PYM1: variants seen among roughly 807,000 people sequenced by gnomAD.
The protein encoded by PYM1 is PYM1 exon junction complex associated factor, also known as partner of Y14 and mago.
A neutral mutation model predicts 20.7 loss-of-function variants in PYM1; 7 were observed. That is an observed-to-expected ratio of 0.34 (90% CI 0.19 to 0.64). The LOEUF (loss-of-function observed/expected upper bound fraction) is 0.64. PYM1 is among the 30% of genes least tolerant of loss of function. PYM1 has a pLI of 0.74. For synonymous variants in PYM1, 100 were observed against 99.2 expected (o/e 1.01, Z -0.05); for missense variants, 194 against 250.0 (o/e 0.78, Z 1.51).
chr12:55,920,193 C>A (rs978064655), intron 1 of PYM1, among the ~76,000 whole-genome samples: 1 of 151,598 alleles, frequency 6.6e-6, no homozygotes, highest in Admixed American at 6.6e-5. Context: ...CAGAGCAAGA[C>A]CTTGTCTCTT....
intron 1 of PYM1, chr12:55,927,137 G>C (rs1296976637): frequency 6.4e-7 from 1 of 1,551,372 alleles, no homozygotes; most frequent in African/African-American, 1.4e-5. Flanking sequence ...CTTCCGGCGT[G>C]AGCGGGCTGG....
chr12:55,926,023 C>G (rs950816441), intron 1 of PYM1, among the ~76,000 whole-genome samples: 1 of 152,158 alleles, frequency 6.6e-6, no homozygotes, highest in African/African-American at 2.4e-5. Flanking sequence ...GTGTAAGGAA[C>G]ATGGAAAGCA....
chr12:55,902,500 T>G, intron 2 of PYM1, 145 bp from the exon 3 acceptor site: 11 of 1,228,808 alleles, frequency 9.0e-6, no homozygotes, highest in Non-Finnish European at 8.8e-6. Context: ...TTTTTTGAGA[T>G]AGAGTCTCGC....
At chr12:55,919,433 C>T (rs1033754282) in intron 1 of PYM1, among the ~76,000 whole-genome samples, 40 of 152,152 alleles carry the variant, frequency 2.6e-4, no homozygotes, top group African/African-American at 6.0e-4. Context: ...AGGTTACAGG[C>T]GTGAGCCACC....
intron 1 of PYM1, among the ~76,000 whole-genome samples, chr12:55,904,557 C>T (rs1357227827): frequency 3.1e-5 from 4 of 129,068 alleles, no homozygotes; most frequent in Non-Finnish European, 6.2e-5. Context: ...GATTGCGCCA[C>T]TGCACTCCAG....
intron 1 of PYM1, among the ~76,000 whole-genome samples, chr12:55,919,424 G>A (rs1267058903): frequency 6.6e-6 from 1 of 152,142 alleles, no homozygotes; most frequent in Non-Finnish European, 1.5e-5. Flanking sequence ...AAAGTGTTGA[G>A]GTTACAGGCG....
chr12:55,916,455 G>A (rs192360660), intron 1 of PYM1, among the ~76,000 whole-genome samples: 2 of 152,190 alleles, frequency 1.3e-5, no homozygotes, highest in East Asian at 3.9e-4. Flanking sequence ...ATACAGCCCA[G>A]TTTCACTAGA....
chr12:55,925,921 G>A (rs547384199), intron 1 of PYM1, among the ~76,000 whole-genome samples: 3 of 152,178 alleles, frequency 2.0e-5, no homozygotes. Flanking sequence ...GAGAACAGAA[G>A]GAAAGAGGTA....
rs77650250 is a variant in PYM1, at chr12:55,901,452, T to TAA, written c.*418_*419dup. 13 of 143,826 alleles carry TAA rather than the reference T, an allele frequency of 9.0e-5. No individual in the cohort carries two copies. Among genetic ancestry groups the TAA allele is most frequent in the Admixed American group, 1.4e-4 (2 of 14,150 alleles). 8.9% of individuals were successfully genotyped at this position (143,826 alleles called of 1,614,324 possible). A position where few individuals can be genotyped will look rare whatever the true frequency, so the allele number is the denominator to read the frequency against. On this transcript the variant is annotated 3_prime_UTR_variant, in exon 3 of 3. Coordinates refer to ENST00000408946, the MANE Select transcript of PYM1 (RefSeq NM_032345.3). ...TGTTTATTCTCATTTTTGCTTTTTT[T>TAA]AAAAAAAAAAAAAAAATGAGGGATG...
chr12:55,910,079 C>A (rs893292826), intron 1 of PYM1, among the ~76,000 whole-genome samples: 3 of 151,854 alleles, frequency 2.0e-5, no homozygotes, highest in Non-Finnish European at 4.4e-5. Context: ...GTGGCATGTA[C>A]CTGTGCTACC....
intron 1 of PYM1, among the ~76,000 whole-genome samples, chr12:55,904,846 G>A (rs1055556070): frequency 6.6e-6 from 1 of 151,480 alleles, no homozygotes; most frequent in Non-Finnish European, 1.5e-5. Context: ...TAAAATAAAT[G>A]TTCTGACACT....
Position 55,904,767 on chromosome 12 carries a change from C to T in PYM1, c.38-1287G>A, listed in dbSNP as rs148435473. Among the ~76,000 whole-genome samples the T allele has an allele frequency of 8.7e-3, 1,318 of 151,464 alleles. 26 individuals are homozygous for T. Among genetic ancestry groups the T allele is most frequent in the African/African-American group, 0.03 (1,253 of 41,372 alleles). On this transcript the variant is annotated intron_variant, in intron 1 of 2. Coordinates refer to ENST00000408946, the MANE Select transcript of PYM1 (RefSeq NM_032345.3). ...TGGCACACGTCTGTAATCCCAGCTA[C>T]TGGGGAGGCCGAGGCACGAGAATCG...
chr12:55,922,504 A>C (rs1883115239), intron 1 of PYM1, among the ~76,000 whole-genome samples: 1 of 150,866 alleles, frequency 6.6e-6, no homozygotes, highest in Non-Finnish European at 1.5e-5. Context: ...GTGGTCCTAG[A>C]TACTCAGGAG....
At chr12:55,913,087 T>G (rs1487414893) in intron 1 of PYM1, among the ~76,000 whole-genome samples, 1 of 152,224 alleles carries the variant, frequency 6.6e-6, no homozygotes, top group Non-Finnish European at 1.5e-5. Context: ...TTGCTTATCT[T>G]AAGTTCATTC....
chr12:55,912,818 G>A (rs1418362657), intron 1 of PYM1, among the ~76,000 whole-genome samples: 2 of 151,548 alleles, frequency 1.3e-5, no homozygotes, highest in Non-Finnish European at 2.9e-5. Context: ...ACAAAAATTA[G>A]CAGGTCACTG....
In PYM1 at chr12:55,927,730, T is replaced by C; in HGVS notation, c.32A>G (p.Glu11Gly). The change falls in exon 1 of 3, where the codon GAG becomes GGG. Residue 11 changes from glutamate to glycine, a missense_variant. Coordinates refer to ENST00000408946, the MANE Select transcript of PYM1 (RefSeq NM_032345.3). The stretch of plus-strand genomic sequence containing the variant: ...GGGCGCCGCGGGTCGGTCACCTGTC[T>C]CCGTAGCCGCAGGGCTGCCGGCAGC... MEAAGSPAAT[E>G]TGKYIASTQR... The C allele has an allele frequency of 6.5e-7, 1 of 1,539,968 alleles. No individual in the cohort carries two copies. The highest frequency in any genetic ancestry group is 1.2e-5 in the South Asian group (1 of 83,934).
At chr12:55,915,341 C>A (rs533682062) in intron 1 of PYM1, among the ~76,000 whole-genome samples, 2 of 151,616 alleles carry the variant, frequency 1.3e-5, no homozygotes, top group East Asian at 1.9e-4. Context: ...CTGGTTATCT[C>A]CACAAATACA....
chr12:55,920,634 C>A lies in PYM1; in HGVS notation c.37+7091G>T, dbSNP rs1448829739. Among the ~76,000 whole-genome samples, 10 of 142,874 alleles carry A rather than the reference C, an allele frequency of 7.0e-5. No individual in the cohort carries two copies. The South Asian group carries it at 1.5e-3, about 22-fold the overall frequency. The allele number at this position is 142,874 out of a possible 152,430, so 93.7% of individuals were successfully genotyped here. ...GCCTGGTGACAAAGCGAGACTCCGT[C>A]TCAAAAAAAAAAAAAGAAAAAAAAA... On this transcript the variant is annotated intron_variant, in intron 1 of 2. Transcript: ENST00000408946.
intron 1 of PYM1, 91 bp from the exon 2 acceptor site, chr12:55,903,571 T>C: frequency 8.3e-7 from 1 of 1,208,178 alleles, no homozygotes; most frequent in Non-Finnish European, 1.2e-6. Flanking sequence ...ATACCATCTC[T>C]CAGCACCCAT....
Sources: gnomAD v4.1 joint callset for allele counts (sites outside exome capture counted in the v4.1 genomes callset) on GRCh38, gnomAD v4.1.1 for gene constraint, MANE v1.5 for transcripts, NCBI Gene and HGNC (gene_info 2026-07-23, HGNC 2026-07-21) for gene names.